TMCC1: variants seen among roughly 807,000 people sequenced by gnomAD.
TMCC1 encodes the protein transmembrane and coiled-coil domains protein 1.
TMCC1 carries 15 observed loss-of-function variants against 52.4 expected under a neutral mutation model. The ratio of observed to expected loss-of-function variants is 0.29; its 90% CI spans 0.19 to 0.44. The LOEUF (loss-of-function observed/expected upper bound fraction) is 0.44, where lower values mean the gene tolerates loss of function less well. Among genes scored for constraint, TMCC1 ranks in the 20% least tolerant of loss-of-function variants. TMCC1 has a pLI of 1.00. For synonymous variants in TMCC1, 279 were observed against 301.9 expected (o/e 0.92, Z 0.79); for missense variants, 503 against 806.0 (o/e 0.62, Z 4.55).
chr3:129,889,194 C>T (rs2108016579), intron 1 of TMCC1, among the ~76,000 whole-genome samples: 1 of 152,124 alleles, frequency 6.6e-6, no homozygotes, highest in East Asian at 1.9e-4. Flanking sequence ...ATCACTTGAC[C>T]CCAGAGTGTT....
At chr3:129,737,679 ATT>A (rs2051094681) in intron 4 of TMCC1, among the ~76,000 whole-genome samples, 1 of 152,154 alleles carries the variant, frequency 6.6e-6, no homozygotes, top group African/African-American at 2.4e-5. Flanking sequence ...AGTCTAGCGC[ATT>A]TTGTTATAGT....
chr3:129,713,982 G>A (rs1378149741), intron 4 of TMCC1, among the ~76,000 whole-genome samples: 3 of 151,880 alleles, frequency 2.0e-5, no homozygotes, highest in African/African-American at 7.3e-5. Flanking sequence ...CATCTCTAGT[G>A]ACAACTATTA....
At chr3:129,777,844 A>G (rs994843885) in intron 4 of TMCC1, among the ~76,000 whole-genome samples, 1 of 152,212 alleles carries the variant, frequency 6.6e-6, no homozygotes, top group Non-Finnish European at 1.5e-5. Context: ...AAATGCCAGA[A>G]TATTTCTCAC....
chr3:129,787,634 G>A (rs1411353913), intron 4 of TMCC1, among the ~76,000 whole-genome samples: 2 of 152,084 alleles, frequency 1.3e-5, no homozygotes, highest in African/African-American at 4.8e-5. Flanking sequence ...AAGCAATTTG[G>A]CATAATGAGT....
intron 5 of TMCC1, among the ~76,000 whole-genome samples, chr3:129,665,806 C>G (rs1277977903): frequency 2.0e-5 from 3 of 152,198 alleles, no homozygotes; most frequent in Admixed American, 6.5e-5. Flanking sequence ...TAAAACCCCA[C>G]TGAGCTTCAA....
intron 4 of TMCC1, among the ~76,000 whole-genome samples, chr3:129,781,349 G>A (rs972216909): frequency 5.3e-5 from 8 of 152,084 alleles, no homozygotes; most frequent in Admixed American, 2.6e-4. Flanking sequence ...TAGGTTCTAG[G>A]AATACTGCAG....
intron 1 of TMCC1, among the ~76,000 whole-genome samples, chr3:129,889,738 G>A (rs140912484): frequency 1.7e-3 from 261 of 152,002 alleles, no homozygotes; most frequent in African/African-American, 6.1e-3. Flanking sequence ...GCTTGTTGTC[G>A]CAGAGTGAAG....
chr3:129,861,902 A>G (rs1057507165), intron 2 of TMCC1, among the ~76,000 whole-genome samples: 3 of 152,238 alleles, frequency 2.0e-5, no homozygotes, highest in African/African-American at 7.2e-5. Context: ...AACCTTGTAC[A>G]TAAACGTTCC....
At chr3:129,821,857 G>C (rs537275897) in intron 4 of TMCC1, among the ~76,000 whole-genome samples, 6 of 152,160 alleles carry the variant, frequency 3.9e-5, no homozygotes, top group South Asian at 2.1e-4. Flanking sequence ...TTGAGCCCAG[G>C]AGTTCAAGAC....
Position 129,654,962 on chromosome 3 carries a change from AC to A in TMCC1, c.1647+5del. The A allele has an allele frequency of 6.2e-7, 1 of 1,612,756 alleles. No individual in the cohort carries two copies. The highest frequency in any genetic ancestry group is 8.5e-7 in the Non-Finnish European group (1 of 1,179,726). On this transcript the variant is annotated splice_donor_5th_base_variant and intron_variant, in intron 6 of 6. Coordinates refer to ENST00000393238, the MANE Select transcript of TMCC1 (RefSeq NM_001017395.5). ...TTTGCATTTACACCTTTTCCTTCAT[AC>A]TAACCTGGATGTCCCGGGCCCGTTC...
At chr3:129,747,361 C>G (rs1024071438) in intron 4 of TMCC1, among the ~76,000 whole-genome samples, 1 of 152,146 alleles carries the variant, frequency 6.6e-6, no homozygotes, top group African/African-American at 2.4e-5. Flanking sequence ...TCAGCAAAGT[C>G]TGGCAACACT....
chr3:129,822,426 C>T (rs1335085117), intron 4 of TMCC1, among the ~76,000 whole-genome samples: 1 of 152,072 alleles, frequency 6.6e-6, no homozygotes, highest in African/African-American at 2.4e-5. Flanking sequence ...GGCATTAGAG[C>T]AAGACCCCAA....
chr3:129,676,865 G>C (rs925616096), intron 4 of TMCC1, among the ~76,000 whole-genome samples: 5 of 152,228 alleles, frequency 3.3e-5, no homozygotes, highest in South Asian at 4.2e-4. Context: ...TAAGTCAGAT[G>C]ATGCCTGCCA....
intron 4 of TMCC1, chr3:129,688,787 C>T (rs901872981): frequency 1.6e-5 from 16 of 974,468 alleles, no homozygotes; most frequent in Non-Finnish European, 1.8e-5. Context: ...CTCTCTTCTC[C>T]AGCTGTGAGC....
At chr3:129,775,108 T>C (rs1362985248) in intron 4 of TMCC1, among the ~76,000 whole-genome samples, 2 of 151,972 alleles carry the variant, frequency 1.3e-5, no homozygotes, top group African/African-American at 4.8e-5. Context: ...ATTTAGAAAG[T>C]AGAATCAATG....
At position 129,697,084 on chromosome 3, in the gene TMCC1, C is replaced by T. The variant is rs1286519334; in HGVS notation, c.577-25820G>A. Among the ~76,000 whole-genome samples the T allele has an allele frequency of 7.2e-5, 11 of 152,228 alleles. No homozygotes were observed. In the East Asian group the frequency reaches 2.1e-3, roughly 29 times the overall value. ...CTAGCAGCTCCACTATGCAGTGCCC[C>T]AGTGGGGACTCTGTGTGGGGGCTCC... On this transcript the variant is annotated intron_variant, in intron 4 of 6. Coordinates refer to ENST00000393238, the MANE Select transcript of TMCC1 (RefSeq NM_001017395.5).
intron 3 of TMCC1, among the ~76,000 whole-genome samples, chr3:129,831,726 A>G (rs1428600242): frequency 6.6e-6 from 1 of 152,252 alleles, no homozygotes; most frequent in Non-Finnish European, 1.5e-5. Flanking sequence ...GCTGACAGTA[A>G]GAATGCAAGC....
At chr3:129,746,887 C>T (rs781168114) in intron 4 of TMCC1, among the ~76,000 whole-genome samples, 2 of 152,174 alleles carry the variant, frequency 1.3e-5, no homozygotes, top group African/African-American at 2.4e-5. Flanking sequence ...CACCTACTAC[C>T]TTACTTGGCC....
chr3:129,702,470 G>C (rs2047910219), intron 4 of TMCC1, among the ~76,000 whole-genome samples: 1 of 152,100 alleles, frequency 6.6e-6, no homozygotes, highest in Non-Finnish European at 1.5e-5. Context: ...ATTCAGTTCT[G>C]TATTGCTGGA....
Sources: gnomAD v4.1 joint callset for allele counts (sites outside exome capture counted in the v4.1 genomes callset) on GRCh38, gnomAD v4.1.1 for gene constraint, MANE v1.5 for transcripts, NCBI Gene and HGNC (gene_info 2026-07-23, HGNC 2026-07-21) for gene names.